KCNQ1: variants seen among roughly 807,000 people sequenced by gnomAD.
KCNQ1 encodes the protein potassium voltage-gated channel subfamily Q member 1.
In KCNQ1, 49 loss-of-function variants were observed where a neutral mutation model predicts 72.4. That is an observed-to-expected ratio of 0.68 (90% CI 0.54 to 0.86). The LOEUF (loss-of-function observed/expected upper bound fraction) is 0.86. KCNQ1 is among the 40% of genes least tolerant of loss of function. KCNQ1 has a pLI of 0.00. For missense variants in KCNQ1, 790 were observed against 945.1 expected, an observed-to-expected ratio of 0.84 and a Z score of 2.15; for synonymous variants, 450 against 412.6, an observed-to-expected ratio of 1.09 and a Z score of -1.10.
At chr11:2,655,354 A>G in intron 10 of KCNQ1, 1 of 398,680 alleles carries the variant, frequency 2.5e-6, no homozygotes. Context: ...TAAAGCATCA[A>G]AAACCAGGAC....
Position 2,687,375 on chromosome 11 carries a change from G to A in KCNQ1, c.1514+25294G>A, listed in dbSNP as rs1850508385. 5.0e-6 allele frequency: 2 copies of A among 398,710 alleles called. No homozygotes were observed. The highest frequency in any genetic ancestry group is 8.8e-6 in the Non-Finnish European group (2 of 226,116). 24.7% of individuals were successfully genotyped at this position (398,710 alleles called of 1,614,324 possible). On this transcript the variant is annotated intron_variant, in intron 11 of 15. Coordinates refer to ENST00000155840, the MANE Select transcript of KCNQ1 (RefSeq NM_000218.3). The surrounding 1 kb of genome is among the most constrained non-coding windows in gnomAD (Gnocchi z 5.0). ...CAGGTCTGCCTTGGGCTGTCACTCA[G>A]GGCTGAGCTCTGCTGAAGGATCTGG...
Position 2,450,026 on chromosome 11 carries a change from G to A in KCNQ1, c.386+4542G>A, listed in dbSNP as rs1486385406. Among the ~76,000 whole-genome samples, 3 of 152,196 alleles carry A rather than the reference G, an allele frequency of 2.0e-5. No individual in the cohort carries two copies. The highest frequency in any genetic ancestry group is 4.8e-5 in the African/African-American group (2 of 41,444). On this transcript the variant is annotated intron_variant, in intron 1 of 15. Coordinates refer to ENST00000155840, the MANE Select transcript of KCNQ1 (RefSeq NM_000218.3). The surrounding 1 kb of genome is among the most constrained non-coding windows in gnomAD (Gnocchi z 7.9). ...CTGTAGCCAAGGTGCAGATGCACACGTCCTGGTCCTGAGCCCCTGCTCGGC... is the reference window on the plus strand; with the variant it reads ...CTGTAGCCAAGGTGCAGATGCACACATCCTGGTCCTGAGCCCCTGCTCGGC...
At chr11:2,571,915 C>T (rs1848340347) in intron 4 of KCNQ1, 98 bp from the exon 5 acceptor site, 2 of 967,938 alleles carry the variant, frequency 2.1e-6, no homozygotes, top group Non-Finnish European at 3.2e-6. Flanking sequence ...CTGGGAGGGG[C>T]AGGGGCAGGG....
rs1417256896 is a variant in KCNQ1 at position 2,579,584 on chromosome 11, C to A, written c.922-3851C>A. On this transcript the variant is annotated intron_variant, in intron 6 of 15. Coordinates refer to ENST00000155840, the MANE Select transcript of KCNQ1 (RefSeq NM_000218.3). The surrounding 1 kb of genome is among the most constrained non-coding windows in gnomAD (Gnocchi z 6.0). ...AACAAACAGGTCTGCAGGGAGGGGC[C>A]GTTTCCTTGTTAACTTGAGGATGAG... Among the ~76,000 whole-genome samples the A allele has an allele frequency of 6.6e-6, 1 of 152,202 alleles. No homozygotes were observed. Among genetic ancestry groups the A allele is most frequent in the South Asian group, 2.1e-4 (1 of 4,828 alleles).
At chr11:2,718,150 G>A (rs1851128246) in intron 11 of KCNQ1, among the ~76,000 whole-genome samples, 1 of 152,168 alleles carries the variant, frequency 6.6e-6, no homozygotes, top group Non-Finnish European at 1.5e-5. Context: ...CTGCCCTCGG[G>A]GGAGCTGAGA....
At chr11:2,685,140 G>A in intron 11 of KCNQ1, 1 of 398,676 alleles carries the variant, frequency 2.5e-6, no homozygotes, top group East Asian at 3.6e-5. Flanking sequence ...CTAATCAGGT[G>A]TGGAAGAAGC....
At chr11:2,675,551 T>C (rs1850278604) in intron 11 of KCNQ1, 1 of 398,576 alleles carries the variant, frequency 2.5e-6, no homozygotes, top group Non-Finnish European at 4.4e-6. Context: ...CTGGAAATTC[T>C]GTAATAAGAC....
Position 2,827,418 on chromosome 11 carries a change from G to T in KCNQ1, c.1795-20349G>T, listed in dbSNP as rs1847860924. On this transcript the variant is annotated intron_variant, in intron 15 of 15. Coordinates refer to ENST00000155840, the MANE Select transcript of KCNQ1 (RefSeq NM_000218.3). This position sits in a 1 kb window ranked among gnomAD's most constrained non-coding sequence, Gnocchi z 6.7. Reference sequence around the variant, plus strand: ...TGCTCCTGCATTCACCATCACATCTGCATTCCAGCAGCAGGAGGGAGGTAA... The same window carrying T: ...TGCTCCTGCATTCACCATCACATCTTCATTCCAGCAGCAGGAGGGAGGTAA... Among the ~76,000 whole-genome samples, 1 of 152,124 alleles carries T rather than the reference G, an allele frequency of 6.6e-6. No homozygotes were observed. Among genetic ancestry groups the T allele is most frequent in the African/African-American group, 2.4e-5 (1 of 41,418 alleles).
In KCNQ1 at chr11:2,818,837, C is replaced by T. The variant is rs538262229; in HGVS notation, c.1795-28930C>T. ...TGTCTCCACAACTGCCAGGAGACAG[C>T]TCAGCTTAGCTGCTCTTCCCCCAAC... On this transcript the variant is annotated intron_variant, in intron 15 of 15. Transcript: ENST00000155840. The surrounding 1 kb of genome is among the most constrained non-coding windows in gnomAD (Gnocchi z 7.2). Among the ~76,000 whole-genome samples the T allele has an allele frequency of 6.6e-6, 1 of 152,172 alleles. No individual in the cohort carries two copies. The highest frequency in any genetic ancestry group is 2.4e-5 in the African/African-American group (1 of 41,528).
intron 10 of KCNQ1, chr11:2,633,763 A>G (rs1849403284): frequency 5.0e-6 from 2 of 398,510 alleles, no homozygotes; most frequent in Non-Finnish European, 8.8e-6. Flanking sequence ...TTTGGTTACC[A>G]TTGTTTTGTA....
chr11:2,718,090 G>T (rs960830483), intron 11 of KCNQ1, among the ~76,000 whole-genome samples: 1 of 152,184 alleles, frequency 6.6e-6, no homozygotes, highest in South Asian at 2.1e-4. Context: ...TGGAAGAGCC[G>T]GGTTGACACC....
In KCNQ1 at chr11:2,457,359, G is replaced by T. The variant is rs1351194061; in HGVS notation, c.386+11875G>T. 6.6e-6 allele frequency among the ~76,000 whole-genome samples: 1 copy of T among 152,162 alleles called. No homozygotes were observed. Among genetic ancestry groups the T allele is most frequent in the Non-Finnish European group, 1.5e-5 (1 of 68,032 alleles). On this transcript the variant is annotated intron_variant, in intron 1 of 15. Transcript: ENST00000155840. The surrounding 1 kb of genome is among the most constrained non-coding windows in gnomAD (Gnocchi z 5.0). ...AAGACATATGCACCTAAACATTCATGGCAGAAAGACATGAGTCAACTCAGG... is the reference window on the plus strand; with the variant it reads ...AAGACATATGCACCTAAACATTCATTGCAGAAAGACATGAGTCAACTCAGG...
At chr11:2,517,123 G>A (rs868526412) in intron 1 of KCNQ1, among the ~76,000 whole-genome samples, 5 of 152,326 alleles carry the variant, frequency 3.3e-5, no homozygotes, top group African/African-American at 9.6e-5. Flanking sequence ...GGGTGAGATG[G>A]GAATGAGCCC....
At chr11:2,756,034 G>C (rs565582872) in intron 11 of KCNQ1, among the ~76,000 whole-genome samples, 1 of 152,196 alleles carries the variant, frequency 6.6e-6, no homozygotes, top group Admixed American at 6.5e-5. Flanking sequence ...CATTGGGAGC[G>C]GTGGCAGGGA....
Position 2,663,954 on chromosome 11 carries a change from TGA to T in KCNQ1, c.1514+1878_1514+1879del, listed in dbSNP as rs1316965571. The T allele has an allele frequency of 1.8e-5, 7 of 398,600 alleles. No homozygotes were observed. The highest frequency in any genetic ancestry group is 4.1e-5 in the African/African-American group (2 of 48,640). The allele number at this position is 398,600 out of a possible 1,614,324, so 24.7% of individuals were successfully genotyped here. ...TGTTCCACTCCAGGATGACAGGGCC[TGA>T]GAGACCTGAACATCCATCCCCAAGC... On this transcript the variant is annotated intron_variant, in intron 11 of 15. Coordinates refer to ENST00000155840, the MANE Select transcript of KCNQ1 (RefSeq NM_000218.3). This position sits in a 1 kb window ranked among gnomAD's most constrained non-coding sequence, Gnocchi z 5.2.
intron 11 of KCNQ1, chr11:2,672,267 GC>G: frequency 2.5e-6 from 1 of 398,614 alleles, no homozygotes. Context: ...TTTTTGAACT[GC>G]CCCACGAACC....
chr11:2,452,207 G>A (rs751668658), intron 1 of KCNQ1, among the ~76,000 whole-genome samples: 5 of 152,184 alleles, frequency 3.3e-5, no homozygotes, highest in African/African-American at 4.8e-5. Context: ...CTGAAAGGGT[G>A]CTCTGAGTAG....
intron 10 of KCNQ1, chr11:2,631,996 C>T (rs1849361530): frequency 7.6e-6 from 3 of 396,040 alleles, no homozygotes; most frequent in African/African-American, 2.1e-5. Context: ...TCCTGGCTAA[C>T]ATGGTGAAAC....
intron 1 of KCNQ1, among the ~76,000 whole-genome samples, chr11:2,485,169 T>A (rs569781361): frequency 2.6e-5 from 4 of 152,346 alleles, no homozygotes; most frequent in African/African-American, 7.2e-5. Context: ...ATCTGTGACA[T>A]GTTTAGATTT....
Sources: allele counts gnomAD v4.1 joint callset (sites outside exome capture counted in the v4.1 genomes callset), GRCh38; gene constraint gnomAD v4.1.1; non-coding constraint Gnocchi (gnomAD v3.1); transcripts MANE v1.5; gene names NCBI Gene and HGNC (gene_info 2026-07-23, HGNC 2026-07-21).